The following IQSEC1 variants were observed in gnomAD, a reference collection of about 807,000 sequenced individuals.
IQSEC1 encodes IQ motif and Sec7 domain ArfGEF 1.
IQSEC1 carries 31 observed loss-of-function variants against 91.0 expected under a neutral mutation model. The observed-to-expected ratio is 0.34, with a 90% CI of 0.26 to 0.46. The LOEUF is 0.46. IQSEC1 is among the 20% of genes least tolerant of loss of function. The pLI is 1.00. For missense variants in IQSEC1, 1,388 were observed against 1,575.6 expected, an observed-to-expected ratio of 0.88 and a Z score of 2.02; for synonymous variants, 699 against 662.6, an observed-to-expected ratio of 1.05 and a Z score of -0.84.
intron 1 of IQSEC1, among the ~76,000 whole-genome samples, chr3:13,254,632 C>T (rs1559287393): frequency 6.6e-6 from 1 of 152,250 alleles, no homozygotes; most frequent in Non-Finnish European, 1.5e-5. Context: ...AAGCCCAAAC[C>T]GCAGGCAAAC....
In IQSEC1 at chr3:12,935,871, G is replaced by A. The variant is rs751161861; in HGVS notation, c.1145C>T (p.Ser382Leu). ...SDSSVDLSDRSERGSLKRQSA... is the reference protein window; with the variant it reads ...SDSSVDLSDRLERGSLKRQSA... ...CTGCCTCTTGAGTGACCCCCGCTCC[G>A]AGCGGTCACTAAGGTCCACAGAGCT... The change falls in exon 3 of 14, where the codon TCG becomes TTG. Residue 382 changes from serine to leucine, a missense_variant. Physicochemically the swap from Ser to Leu is moderately radical, Grantham distance 145. Transcript: ENST00000613206. The surrounding 1 kb of genome is among the most constrained non-coding windows in gnomAD (Gnocchi z 8.0). The A allele has an allele frequency of 5.6e-6, 9 of 1,606,718 alleles. No homozygotes were observed. Among genetic ancestry groups the A allele is most frequent in the Non-Finnish European group, 7.6e-6 (9 of 1,179,856 alleles).
intron 2 of IQSEC1, among the ~76,000 whole-genome samples, chr3:13,145,432 G>A (rs898277475): frequency 3.3e-5 from 5 of 152,150 alleles, no homozygotes; most frequent in Admixed American, 3.3e-4. Flanking sequence ...ACTCATGCCA[G>A]AAGCAAGGGA....
intron 1 of IQSEC1, among the ~76,000 whole-genome samples, chr3:13,223,402 C>T (rs529600841): frequency 6.6e-6 from 1 of 152,336 alleles, no homozygotes; most frequent in African/African-American, 2.4e-5. Flanking sequence ...CGCGCCACCT[C>T]CTGGCACAGC....
intron 1 of IQSEC1, among the ~76,000 whole-genome samples, chr3:13,216,785 G>A (rs1260881058): frequency 6.6e-6 from 1 of 152,160 alleles, no homozygotes; most frequent in Non-Finnish European, 1.5e-5. Context: ...TCTCTTCCCC[G>A]TGGAGAAACA....
chr3:13,267,852 C>T (rs149026157), intron 1 of IQSEC1, among the ~76,000 whole-genome samples: 4,750 of 152,052 alleles, frequency 0.031, 117 homozygotes, highest in South Asian at 0.078. Context: ...CTCCTGACCT[C>T]GTGATCCACC....
Position 12,909,233 on chromosome 3 carries a change from G to A in IQSEC1, c.2578+40C>T, listed in dbSNP as rs1406117270. 6.2e-7 allele frequency: 1 copy of A among 1,602,642 alleles called. No homozygotes were observed. The highest frequency in any genetic ancestry group is 8.5e-7 in the Non-Finnish European group (1 of 1,171,454). Reference sequence around the variant, plus strand: ...CATGGGGAGGCAAGTGCCAGAGTCTGGCAAGTCTCGGCCTTCTGTCCATGA... The same window carrying A: ...CATGGGGAGGCAAGTGCCAGAGTCTAGCAAGTCTCGGCCTTCTGTCCATGA... On this transcript the variant is annotated intron_variant, in intron 11 of 13. Transcript: ENST00000613206. The surrounding 1 kb of genome is among the most constrained non-coding windows in gnomAD (Gnocchi z 4.9).
intron 1 of IQSEC1, among the ~76,000 whole-genome samples, chr3:13,007,759 G>A (rs988645715): frequency 1.3e-5 from 2 of 152,190 alleles, no homozygotes; most frequent in South Asian, 2.1e-4. Flanking sequence ...CTATCTCTGC[G>A]GTTTCTGTGC....
At chr3:13,050,950 G>T (rs935905424) in intron 1 of IQSEC1, among the ~76,000 whole-genome samples, 2 of 152,040 alleles carry the variant, frequency 1.3e-5, no homozygotes, top group Non-Finnish European at 2.9e-5. Context: ...ATAGATATTT[G>T]TTATATATAT....
At chr3:12,911,145 A>ACAAC (rs1369882658) in intron 10 of IQSEC1, among the ~76,000 whole-genome samples, 1 of 152,142 alleles carries the variant, frequency 6.6e-6, no homozygotes, top group African/African-American at 2.4e-5. Context: ...GCACTACCTT[A>ACAAC]CAACCCAGGC....
intron 1 of IQSEC1, among the ~76,000 whole-genome samples, chr3:13,021,277 A>G (rs1231991833): frequency 6.6e-6 from 1 of 152,140 alleles, no homozygotes; most frequent in Non-Finnish European, 1.5e-5. Context: ...GCGATCACAG[A>G]TGGTGTCCCC....
At chr3:13,085,194 A>G (rs572684573) in intron 2 of IQSEC1, among the ~76,000 whole-genome samples, 39 of 152,274 alleles carry the variant, frequency 2.6e-4, no homozygotes, top group Non-Finnish European at 4.6e-4. Context: ...GAGGAAACTG[A>G]TGCTCAGAGA....
intron 10 of IQSEC1, among the ~76,000 whole-genome samples, chr3:12,910,334 T>C (rs985189250): frequency 1.3e-5 from 2 of 152,248 alleles, no homozygotes; most frequent in African/African-American, 4.8e-5. Flanking sequence ...GGCCAAGCCC[T>C]GGGACCATAG....
At chr3:13,000,598 C>G (rs184391933) in intron 1 of IQSEC1, among the ~76,000 whole-genome samples, 1 of 152,200 alleles carries the variant, frequency 6.6e-6, no homozygotes, top group Non-Finnish European at 1.5e-5. Context: ...TTTACTAGGA[C>G]GAGCACAGGG....
At chr3:13,153,120 C>G (rs945722247) in intron 2 of IQSEC1, among the ~76,000 whole-genome samples, 1 of 151,886 alleles carries the variant, frequency 6.6e-6, no homozygotes, top group African/African-American at 2.4e-5. Context: ...CTCTCCTCTC[C>G]CCTCCAGTGT....
chr3:13,106,326 G>C (rs544696776), intron 2 of IQSEC1, among the ~76,000 whole-genome samples: 1 of 152,260 alleles, frequency 6.6e-6, no homozygotes, highest in East Asian at 1.9e-4. Context: ...CTCAGCCACT[G>C]CCTGCTTGGC....
At chr3:13,190,947 C>T (rs1185357978) in intron 1 of IQSEC1, among the ~76,000 whole-genome samples, 4 of 152,160 alleles carry the variant, frequency 2.6e-5, no homozygotes, top group African/African-American at 9.7e-5. Context: ...TCTACTGTAC[C>T]CTAGTGCAGG....
rs1026792973 is a variant in IQSEC1, at chr3:12,937,954, C to T, written c.319-1257G>A. ...GGGTGAGCTACATGCAGGGAGAGGG[C>T]GGGGTGAACCCTGGGTGCTTCAGCG... is the stretch of plus-strand genomic sequence containing the variant. On this transcript the variant is annotated intron_variant, in intron 2 of 13. Transcript: ENST00000613206. Among the ~76,000 whole-genome samples the T allele has an allele frequency of 9.9e-5, 15 of 152,208 alleles. No individual in the cohort carries two copies. In the South Asian group the frequency reaches 1.0e-3, roughly 11 times the overall value.
At chr3:13,155,209 T>C (rs1474549668) in intron 2 of IQSEC1, among the ~76,000 whole-genome samples, 1 of 151,948 alleles carries the variant, frequency 6.6e-6, no homozygotes, top group Non-Finnish European at 1.5e-5. Context: ...CAAAAGTTGG[T>C]TCTCCCAGAA....
At chr3:12,978,285 C>T (rs1397264705) in intron 1 of IQSEC1, among the ~76,000 whole-genome samples, 2 of 152,242 alleles carry the variant, frequency 1.3e-5, no homozygotes, top group African/African-American at 4.8e-5. Flanking sequence ...TCCTTGCACT[C>T]CAACAGTTGT....
Sources: gnomAD v4.1 joint callset for allele counts (sites outside exome capture counted in the v4.1 genomes callset) on GRCh38, gnomAD v4.1.1 for gene constraint, Gnocchi (gnomAD v3.1) non-coding constraint, MANE v1.5 for transcripts, NCBI Gene and HGNC (gene_info 2026-07-23, HGNC 2026-07-21) for gene names.